The following SORCS2 variants were observed in gnomAD, a reference collection of about 807,000 sequenced individuals.
SORCS2 encodes the protein VPS10 domain-containing receptor SorCS2.
In SORCS2, 100 loss-of-function variants were observed where a neutral mutation model predicts 141.6. The ratio of observed to expected loss-of-function variants is 0.71; its 90% CI spans 0.60 to 0.83. The LOEUF (loss-of-function observed/expected upper bound fraction) is 0.83. Among genes scored for constraint, SORCS2 ranks in the 40% least tolerant of loss-of-function variants. The pLI is 0.00. For synonymous variants in SORCS2, 789 were observed against 676.9 expected (o/e 1.17, Z -2.57); for missense variants, 1,646 against 1,560.2 (o/e 1.05, Z -0.93).
intron 12 of SORCS2, among the ~76,000 whole-genome samples, chr4:7,698,500 A>G (rs772239193): frequency 9.9e-5 from 15 of 152,270 alleles, no homozygotes; most frequent in Non-Finnish European, 1.9e-4. Flanking sequence ...ACATGTTTGA[A>G]GCTTCTTAAA....
chr4:7,667,185 T>G lies in SORCS2; in HGVS notation c.1133T>G (p.Met378Arg). 6.2e-7 allele frequency: 1 copy of G among 1,613,922 alleles called. No homozygotes were observed. Among genetic ancestry groups the G allele is most frequent in the Non-Finnish European group, 8.5e-7 (1 of 1,179,794 alleles). ...TATCGTCGAAATGAATTTGTCCTGATGAAGCTGCCGAAGTATGCATTGCCA... is the reference window on the plus strand; with the variant it reads ...TATCGTCGAAATGAATTTGTCCTGAGGAAGCTGCCGAAGTATGCATTGCCA... ...VSYRRNEFVLMKLPKYALPKD... is the reference protein window; with the variant it reads ...VSYRRNEFVLRKLPKYALPKD... Residue 378 changes from methionine to arginine, a missense_variant, in exon 8 of 27, where the codon ATG (methionine) becomes AGG (arginine). Transcript: ENST00000507866.
intron 23 of SORCS2, among the ~76,000 whole-genome samples, chr4:7,731,440 G>A (rs1711672346): frequency 6.6e-6 from 1 of 152,050 alleles, no homozygotes; most frequent in Admixed American, 6.6e-5. Context: ...TTTCAATGAT[G>A]TTTTTCACAG....
chr4:7,434,772 A>T (rs754320579), intron 2 of SORCS2: 26 of 1,612,480 alleles, frequency 1.6e-5, no homozygotes, highest in Non-Finnish European at 2.2e-5. Flanking sequence ...CTGTCTGCAG[A>T]TCCTGACACC....
chr4:7,603,583 C>T (rs1717875928), intron 3 of SORCS2, among the ~76,000 whole-genome samples: 1 of 152,148 alleles, frequency 6.6e-6, no homozygotes, highest in Non-Finnish European at 1.5e-5. Context: ...ATATTTTATT[C>T]TCACCTTTAT....
chr4:7,717,646 T>C (rs1371996018), intron 17 of SORCS2, among the ~76,000 whole-genome samples: 1 of 152,186 alleles, frequency 6.6e-6, no homozygotes, highest in African/African-American at 2.4e-5. Flanking sequence ...CACTCTGTCC[T>C]CCACCTTTCT....
intron 2 of SORCS2, among the ~76,000 whole-genome samples, chr4:7,426,401 C>T (rs1437889901): frequency 6.6e-6 from 1 of 151,384 alleles, no homozygotes; most frequent in African/African-American, 2.4e-5. Flanking sequence ...CTGAGGGTGG[C>T]CCCTGGGGGC....
At chr4:7,305,052 A>T (rs1717694952) in intron 1 of SORCS2, among the ~76,000 whole-genome samples, 3 of 126,502 alleles carry the variant, frequency 2.4e-5, no homozygotes, top group East Asian at 2.5e-4. Flanking sequence ...TTTTTTTTTG[A>T]GACAGAGTCT....
intron 1 of SORCS2, among the ~76,000 whole-genome samples, chr4:7,243,611 G>A (rs1712863822): frequency 6.6e-6 from 1 of 152,226 alleles, no homozygotes; most frequent in Non-Finnish European, 1.5e-5. Flanking sequence ...GGAAGGAACT[G>A]GCTGCACAGG....
At chr4:7,269,957 G>C (rs555397591) in intron 1 of SORCS2, among the ~76,000 whole-genome samples, 5 of 152,208 alleles carry the variant, frequency 3.3e-5, no homozygotes, top group Non-Finnish European at 5.9e-5. Context: ...TTGGCTCACT[G>C]CAACCTCTGC....
At chr4:7,681,165 A>C (rs563081206) in intron 9 of SORCS2, among the ~76,000 whole-genome samples, 110 of 152,302 alleles carry the variant, frequency 7.2e-4, no homozygotes, top group Admixed American at 1.3e-3. Flanking sequence ...GAGGGACTGC[A>C]CTGGAGAGAA....
At chr4:7,524,783 C>A (rs1395196982) in intron 2 of SORCS2, among the ~76,000 whole-genome samples, 1 of 151,944 alleles carries the variant, frequency 6.6e-6, no homozygotes, top group East Asian at 1.9e-4. Context: ...TGGTCCCCCT[C>A]CCCACCCCGC....
At chr4:7,515,627 C>A (rs375748028) in intron 2 of SORCS2, among the ~76,000 whole-genome samples, 2 of 152,246 alleles carry the variant, frequency 1.3e-5, no homozygotes, top group African/African-American at 4.8e-5. Flanking sequence ...TCGGAACCCA[C>A]CCGTGCCCTG....
chr4:7,555,052 A>C lies in SORCS2; in HGVS notation c.648+23423A>C, dbSNP rs1345457650. Among the ~76,000 whole-genome samples the C allele has an allele frequency of 2.0e-5, 3 of 152,206 alleles. No homozygotes were observed. In the East Asian group the frequency reaches 5.8e-4, roughly 29 times the overall value. On this transcript the variant is annotated intron_variant, in intron 3 of 26. Transcript: ENST00000507866. ...TGGCAAAACTCCTGAGGATGGGAGCAGCACTGTCCACAAGGTGTCCTTGTT... is the reference window on the plus strand; with the variant it reads ...TGGCAAAACTCCTGAGGATGGGAGCCGCACTGTCCACAAGGTGTCCTTGTT...
intron 1 of SORCS2, among the ~76,000 whole-genome samples, chr4:7,258,129 A>T (rs367893697): frequency 1.3e-5 from 2 of 152,084 alleles, no homozygotes; most frequent in East Asian, 3.9e-4. Flanking sequence ...CTCTGTGATT[A>T]TCCCTTTCTT....
chr4:7,444,288 A>G (rs79278455), intron 2 of SORCS2, among the ~76,000 whole-genome samples: 6,253 of 152,306 alleles, frequency 0.041, 407 homozygotes, highest in African/African-American at 0.14. Context: ...CAGAAATTAA[A>G]CAACACATAA....
chr4:7,381,994 T>C (rs529550753), intron 1 of SORCS2: 83 of 985,398 alleles, frequency 8.4e-5, no homozygotes, highest in South Asian at 5.2e-4. Context: ...AACAGGCAGG[T>C]GAACAGGACC....
At chr4:7,261,057 TG>T (rs767497234) in intron 1 of SORCS2, among the ~76,000 whole-genome samples, 16 of 152,300 alleles carry the variant, frequency 1.1e-4, no homozygotes, top group South Asian at 2.1e-4. Flanking sequence ...CTCAGAGAAT[TG>T]AAGTTCTAAC....
chr4:7,628,387 C>T (rs545128757), intron 3 of SORCS2, among the ~76,000 whole-genome samples: 11 of 151,936 alleles, frequency 7.2e-5, no homozygotes, highest in Non-Finnish European at 1.3e-4. Context: ...GGCGTGGTGG[C>T]GGGCGCCTGT....
intron 3 of SORCS2, among the ~76,000 whole-genome samples, chr4:7,561,076 T>C (rs1577751480): frequency 2.6e-5 from 4 of 152,284 alleles, no homozygotes; most frequent in Middle Eastern, 3.4e-3. Context: ...CGATGTCACC[T>C]CCTCTCCATA....
Sources: gnomAD v4.1 joint callset for allele counts (sites outside exome capture counted in the v4.1 genomes callset) on GRCh38, gnomAD v4.1.1 for gene constraint, MANE v1.5 for transcripts, NCBI Gene and HGNC (gene_info 2026-07-23, HGNC 2026-07-21) for gene names.